The following LCA5 variants were observed in gnomAD, a reference collection of about 807,000 sequenced individuals.
The protein encoded by LCA5 is lebercilin LCA5.
Under a neutral mutation model 53.0 loss-of-function variants are expected in LCA5, and 37 were observed. The observed-to-expected ratio is 0.70, with a 90% confidence interval of 0.54 to 0.92. The LOEUF is 0.92. LCA5 is among the 40% of genes least tolerant of loss of function. The pLI is 0.00. For missense variants in LCA5, 806 were observed against 790.5 expected (o/e 1.02, Z -0.23); for synonymous variants, 303 against 282.9 (o/e 1.07, Z -0.71).
At chr6:79,514,646 T>C (rs1263826053) in intron 2 of LCA5, among the ~76,000 whole-genome samples, 2 of 151,902 alleles carry the variant, frequency 1.3e-5, no homozygotes, top group Non-Finnish European at 2.9e-5. Context: ...ATAAAGAAAA[T>C]GTGGCACATA....
At chr6:79,527,592 G>A (rs1766829159) in intron 1 of LCA5, among the ~76,000 whole-genome samples, 1 of 152,216 alleles carries the variant, frequency 6.6e-6, no homozygotes, top group South Asian at 2.1e-4. Context: ...ATGATGTATG[G>A]TAAACTACCC....
upstream of LCA5, chr6:79,537,517 T>C (rs1464596926): frequency 6.6e-6 from 1 of 152,302 alleles, no homozygotes. Context: ...TTTATTGGCT[T>C]CAGTGGAACT....
At position 79,485,782 on chromosome 6, in the gene LCA5, A is replaced by G. The variant is rs1350464239; in HGVS notation, c.*1222T>C. On this transcript the variant is annotated 3_prime_UTR_variant, in exon 8 of 8. Coordinates refer to ENST00000369846, the MANE Select transcript of LCA5 (RefSeq NM_001122769.3). ...CAATCTAAATTTTTTATTCTTCCCA[A>G]CACACTATTTCCACCACTCTTCATT... The G allele has an allele frequency of 6.6e-6, 1 of 152,122 alleles. No individual in the cohort carries two copies. Among genetic ancestry groups the G allele is most frequent in the Non-Finnish European group, 1.5e-5 (1 of 68,010 alleles). The allele number at this position is 152,122 out of a possible 1,614,324, so 9.4% of individuals were successfully genotyped here.
intron 1 of LCA5, among the ~76,000 whole-genome samples, chr6:79,523,796 C>T (rs116839241): frequency 5.3e-5 from 8 of 152,220 alleles, no homozygotes; most frequent in Admixed American, 5.2e-4. Flanking sequence ...TCCCTGCCCC[C>T]CCTCAAATAC....
At chr6:79,523,905 C>T (rs1019568715) in intron 1 of LCA5, among the ~76,000 whole-genome samples, 1 of 152,114 alleles carries the variant, frequency 6.6e-6, no homozygotes, top group Non-Finnish European at 1.5e-5. Flanking sequence ...TGGCTTATAC[C>T]TTTATATGTA....
At chr6:79,511,536 T>C (rs1770409726) in intron 3 of LCA5, among the ~76,000 whole-genome samples, 1 of 152,156 alleles carries the variant, frequency 6.6e-6, no homozygotes, top group Non-Finnish European at 1.5e-5. Flanking sequence ...AATTGGTCTA[T>C]ATCTTGATTA....
Position 79,513,524 on chromosome 6 carries a change from C to A in LCA5, c.408G>T (p.Leu136Phe). Residue 136 changes from leucine to phenylalanine, a missense_variant, in exon 3 of 8, where the codon TTG becomes TTT. Coordinates refer to ENST00000369846, the MANE Select transcript of LCA5 (RefSeq NM_001122769.3). ...TCTCCTGTCTGTACTGAAGCCTTTT[C>A]AAAGATTTATTTTCTTTTAGCAGCT... ...LAELLKENKS[L>F]KRLQYRQEKA... 6.2e-7 allele frequency: 1 copy of A among 1,613,838 alleles called. No homozygotes were observed. Among genetic ancestry groups the A allele is most frequent in the South Asian group, 1.1e-5 (1 of 91,068 alleles).
chr6:79,496,028 T>G (rs1480727884), intron 3 of LCA5, among the ~76,000 whole-genome samples: 1 of 152,168 alleles, frequency 6.6e-6, no homozygotes, highest in Non-Finnish European at 1.5e-5. Context: ...AGGAAATATG[T>G]AAACAGATAA....
chr6:79,522,521 G>C (rs981682499), intron 1 of LCA5, among the ~76,000 whole-genome samples: 5 of 151,978 alleles, frequency 3.3e-5, no homozygotes, highest in Admixed American at 1.3e-4. Flanking sequence ...GGAAAAACTA[G>C]ATTCTTTAAT....
chr6:79,525,576 G>T (rs190199334), intron 1 of LCA5, among the ~76,000 whole-genome samples: 1 of 152,222 alleles, frequency 6.6e-6, no homozygotes, highest in Admixed American at 6.5e-5. Flanking sequence ...CAGGACCTCA[G>T]GAAACTAATA....
chr6:79,492,553 T>G lies in LCA5; in HGVS notation c.953A>C (p.Asn318Thr). 1 of 1,465,790 alleles carries G rather than the reference T, an allele frequency of 6.8e-7. No individual in the cohort carries two copies. Among genetic ancestry groups the G allele is most frequent in the Non-Finnish European group, 9.5e-7 (1 of 1,054,876 alleles). 90.8% of individuals were successfully genotyped at this position (1,465,790 alleles called of 1,614,324 possible). The change falls in exon 5 of 8, where the codon AAT (asparagine) becomes ACT (threonine). Residue 318 changes from asparagine (N) to threonine (T), a missense_variant and splice_region_variant. Asn to Thr is a moderately conservative substitution (Grantham distance 65). Coordinates refer to ENST00000369846, the MANE Select transcript of LCA5 (RefSeq NM_001122769.3). Reference sequence around the variant, plus strand: ...TTGAACAATCATATTTACCATACCATTTTTTCTTAATGCAAGTTCTTTCTC... The same window carrying G: ...TTGAACAATCATATTTACCATACCAGTTTTTCTTAATGCAAGTTCTTTCTC... ...NKEKELALRKNAACQSDFADL... is the reference protein window; with the variant it reads ...NKEKELALRKTAACQSDFADL...
At chr6:79,491,091 T>C (rs1050921395) in intron 6 of LCA5, among the ~76,000 whole-genome samples, 11 of 152,048 alleles carry the variant, frequency 7.2e-5, no homozygotes, top group Admixed American at 7.2e-4. Context: ...AACAAATCAT[T>C]TGAAAACTAC....
chr6:79,524,071 A>G (rs528209015), intron 1 of LCA5, among the ~76,000 whole-genome samples: 87 of 152,132 alleles, frequency 5.7e-4, no homozygotes, highest in African/African-American at 2.0e-3. Context: ...AGTGGAAAAA[A>G]CGTTTCTTAT....
chr6:79,489,050 C>G (rs1287414305), intron 7 of LCA5, 34 bp downstream of exon 7: 2 of 1,610,496 alleles, frequency 1.2e-6, no homozygotes, highest in East Asian at 4.5e-5. Context: ...GGGATGCTGA[C>G]TTGTCACATG....
At chr6:79,508,662 C>A (rs1459482464) in intron 3 of LCA5, among the ~76,000 whole-genome samples, 1 of 151,710 alleles carries the variant, frequency 6.6e-6, no homozygotes, top group Non-Finnish European at 1.5e-5. Flanking sequence ...AGACAAGTAT[C>A]CTTACTAAAG....
intron 1 of LCA5, among the ~76,000 whole-genome samples, chr6:79,533,625 C>T (rs1362750445): frequency 6.7e-6 from 1 of 148,318 alleles, no homozygotes; most frequent in East Asian, 2.0e-4. Context: ...AAAAATTACA[C>T]ATAACAGGTC....
chr6:79,530,399 G>T (rs1470043742), intron 1 of LCA5, among the ~76,000 whole-genome samples: 3 of 152,004 alleles, frequency 2.0e-5, no homozygotes, highest in African/African-American at 4.8e-5. Flanking sequence ...GAAAAATAAC[G>T]AATAGGTACT....
chr6:79,503,810 G>A (rs1225364189), intron 3 of LCA5, among the ~76,000 whole-genome samples: 6 of 152,204 alleles, frequency 3.9e-5, no homozygotes, highest in Admixed American at 1.3e-4. Flanking sequence ...GCGCGTGCGC[G>A]TGCGTATAAA....
intron 1 of LCA5, among the ~76,000 whole-genome samples, chr6:79,519,653 G>C (rs1043706412): frequency 1.7e-4 from 25 of 148,854 alleles, no homozygotes; most frequent in African/African-American, 6.2e-4. Context: ...GGAGGCCGAG[G>C]TTGCAGTTAG....
Sources: gnomAD v4.1 joint callset for allele counts (sites outside exome capture counted in the v4.1 genomes callset) on GRCh38, gnomAD v4.1.1 for gene constraint, MANE v1.5 for transcripts, NCBI Gene and HGNC (gene_info 2026-07-23, HGNC 2026-07-21) for gene names.